The following SORCS1 variants were observed in gnomAD, a reference collection of about 807,000 sequenced individuals.
SORCS1 encodes sortilin related VPS10 domain containing receptor 1.
In SORCS1, 60 loss-of-function variants were observed where a neutral mutation model predicts 146.1. That is an observed-to-expected ratio of 0.41 (90% CI 0.33 to 0.51). SORCS1 has a LOEUF of 0.51. Ranked by LOEUF, SORCS1 falls within the 20% of genes least tolerant of loss-of-function variation. The pLI is 0.21. For missense variants in SORCS1, 1,352 were observed against 1,487.6 expected, an observed-to-expected ratio of 0.91 and a Z score of 1.50; for synonymous variants, 637 against 584.0, an observed-to-expected ratio of 1.09 and a Z score of -1.31.
Position 106,583,353 on chromosome 10 carries a change from C to T in SORCS1, c.3266-3879G>A, listed in dbSNP as rs547569153. Among the ~76,000 whole-genome samples the T allele has an allele frequency of 2.4e-4, 36 of 152,322 alleles. 1 individual carries two copies. The South Asian group carries it at 7.0e-3, about 30-fold the overall frequency. ...TGCACATCAGTATATTAAATGATCA[C>T]AGCAGCCCTTGCAGAAAAGAACACA... On this transcript the variant is annotated intron_variant, in intron 24 of 25. Transcript: ENST00000263054.
intron 5 of SORCS1, among the ~76,000 whole-genome samples, chr10:106,758,173 C>T (rs965496703): frequency 2.6e-5 from 4 of 152,110 alleles, no homozygotes; most frequent in Admixed American, 2.0e-4. Context: ...CAAGCTTTCA[C>T]ATAGAAGATT....
chr10:107,104,998 C>T (rs1211583677), intron 1 of SORCS1, among the ~76,000 whole-genome samples: 3 of 152,228 alleles, frequency 2.0e-5, no homozygotes, highest in African/African-American at 7.2e-5. Context: ...AAACACTGGC[C>T]AGAAAGTCTA....
At chr10:106,792,719 G>A (rs944353473) in intron 3 of SORCS1, among the ~76,000 whole-genome samples, 3 of 152,076 alleles carry the variant, frequency 2.0e-5, no homozygotes, top group African/African-American at 7.2e-5. Context: ...GTGAAAATGT[G>A]AAATAAATAG....
chr10:107,117,448 C>T (rs1004323268), intron 1 of SORCS1, among the ~76,000 whole-genome samples: 1 of 152,188 alleles, frequency 6.6e-6, no homozygotes, highest in African/African-American at 2.4e-5. Flanking sequence ...CAGAAAGCCT[C>T]TTCTCAAAGC....
chr10:106,613,472 G>T (rs1847145855), intron 21 of SORCS1, among the ~76,000 whole-genome samples: 1 of 152,138 alleles, frequency 6.6e-6, no homozygotes, highest in African/African-American at 2.4e-5. Context: ...TCCAGGAATG[G>T]TTCAGCCTTA....
Position 106,607,241 on chromosome 10 carries a change from G to C in SORCS1, c.3090C>G (p.Thr1030=), listed in dbSNP as rs748226941. The C allele has an allele frequency of 2.5e-6, 4 of 1,613,994 alleles. No individual in the cohort carries two copies. Among genetic ancestry groups the C allele is most frequent in the Non-Finnish European group, 2.5e-6 (3 of 1,179,992 alleles). The change falls in exon 23 of 26, where the codon ACC becomes ACG. Residue 1030 remains threonine, a synonymous_variant. Coordinates refer to ENST00000263054, the MANE Select transcript of SORCS1 (RefSeq NM_052918.5). The stretch of plus-strand genomic sequence containing the variant: ...AGGGTAGGACAAAGAGTTCAGCAGT[G>C]GTGGGTAAGCCAGGGAGCACCGCCA... ...ILVAVLPGLP[T]TAELFVLPYQ...
intron 2 of SORCS1, among the ~76,000 whole-genome samples, chr10:106,873,038 G>A (rs1357648801): frequency 6.6e-6 from 1 of 152,142 alleles, no homozygotes; most frequent in African/African-American, 2.4e-5. Flanking sequence ...GCCAGGCGTG[G>A]TGGCAAGCAC....
intron 1 of SORCS1, among the ~76,000 whole-genome samples, chr10:107,030,911 T>C (rs1958622334): frequency 6.6e-6 from 1 of 152,198 alleles, no homozygotes; most frequent in Non-Finnish European, 1.5e-5. Flanking sequence ...AGGGTCCCAC[T>C]GTAGAGGGCA....
chr10:106,836,474 C>CA (rs68181690), intron 2 of SORCS1, among the ~76,000 whole-genome samples: 30,646 of 77,404 alleles, frequency 0.4, 5,426 homozygotes, highest in Non-Finnish European at 0.5. Flanking sequence ...GACTCGGTCT[C>CA]AAAAAAAAAA....
chr10:106,798,488 C>T (rs1333574682), intron 3 of SORCS1, among the ~76,000 whole-genome samples: 1 of 148,150 alleles, frequency 6.7e-6, no homozygotes, highest in Non-Finnish European at 1.5e-5. Flanking sequence ...CTTCCTGTGT[C>T]CAAGTGTTCT....
intron 1 of SORCS1, among the ~76,000 whole-genome samples, chr10:107,085,538 TAAC>T (rs1252845027): frequency 6.6e-6 from 1 of 152,180 alleles, no homozygotes; most frequent in Non-Finnish European, 1.5e-5. Flanking sequence ...TACCATCAAA[TAAC>T]ATCCTCATTA....
At position 106,577,534 on chromosome 10, in the gene SORCS1, AGGGGAGGGT is replaced by A; in HGVS notation, c.3384_3392del (p.Leu1128_Pro1131delinsPhe). On this transcript the variant is annotated inframe_deletion, in exon 26 of 26. Coordinates refer to ENST00000263054, the MANE Select transcript of SORCS1 (RefSeq NM_052918.5). ...CACCAGGTTGAGTAGAAGGGGAGGGAGGGGAGGGTAAAGCTACTCTCCTAAGAGAAAACG... is the reference window on the plus strand; with the variant it reads ...CACCAGGTTGAGTAGAAGGGGAGGGAAAAGCTACTCTCCTAAGAGAAAACG... 1.2e-6 allele frequency: 1 copy of A among 847,286 alleles called. No individual in the cohort carries two copies. Among genetic ancestry groups the A allele is most frequent in the Non-Finnish European group, 1.9e-6 (1 of 533,462 alleles). The allele number at this position is 847,286 out of a possible 1,614,324, so 52.5% of individuals were successfully genotyped here.
chr10:106,832,399 G>T (rs1293656068), intron 2 of SORCS1, among the ~76,000 whole-genome samples: 1 of 152,028 alleles, frequency 6.6e-6, no homozygotes, highest in Non-Finnish European at 1.5e-5. Context: ...ATGTTGGTCA[G>T]GCTGGCCTTG....
At position 106,926,866 on chromosome 10, in the gene SORCS1, CAGAGAGAGAG is replaced by C. The variant is rs370902733; in HGVS notation, c.626+29637_626+29646del. On this transcript the variant is annotated intron_variant, in intron 2 of 25. Coordinates refer to ENST00000263054, the MANE Select transcript of SORCS1 (RefSeq NM_052918.5). ...ACACACACACACACACACACACACA[CAGAGAGAGAG>C]AGAGAGAGAGAGAGAGAGAGAGAAT... 4.4e-3 allele frequency among the ~76,000 whole-genome samples: 276 copies of C among 62,034 alleles called. 3 individuals are homozygous for C. Among genetic ancestry groups the C allele is most frequent in the African/African-American group, 0.019 (261 of 14,064 alleles). 40.7% of individuals were successfully genotyped at this position (62,034 alleles called of 152,430 possible).
At position 106,607,853 on chromosome 10, in the gene SORCS1, C is replaced by A. The variant is rs574727035; in HGVS notation, c.3034-556G>T. 3.9e-5 allele frequency among the ~76,000 whole-genome samples: 6 copies of A among 152,270 alleles called. 1 individual carries two copies. The South Asian group carries it at 1.2e-3, about 32-fold the overall frequency. ...ATCCTAACCACCTAACCTAAGAGGA[C>A]ATCCCCATATCACAACCCTCAGGAG... On this transcript the variant is annotated intron_variant, in intron 22 of 25. Transcript: ENST00000263054.
In SORCS1 at chr10:106,709,268, A is replaced by G; in HGVS notation, c.1098T>C (p.Ile366=). ...ANRNQPFPGY[I]DPDSLIVQDH... ...CCTGAACAATCAAAGAGTCTGGGTC[A>G]ATGTAGCCTGGAAAAGGCTGATTCC... Residue 366 remains isoleucine (I), a synonymous_variant, in exon 7 of 26, where the codon ATT becomes ATC. Coordinates refer to ENST00000263054, the MANE Select transcript of SORCS1 (RefSeq NM_052918.5). The G allele has an allele frequency of 6.2e-7, 1 of 1,613,916 alleles. No homozygotes were observed. Among genetic ancestry groups the G allele is most frequent in the Non-Finnish European group, 8.5e-7 (1 of 1,179,884 alleles).
intron 2 of SORCS1, among the ~76,000 whole-genome samples, chr10:106,924,583 A>T (rs11193107): frequency 0.52 from 79,294 of 151,912 alleles, 22,359 homozygotes; most frequent in Non-Finnish European, 0.63. Flanking sequence ...ATTGAAAAGA[A>T]AGGAAGCGTA....
chr10:106,713,319 G>C (rs1272085), intron 6 of SORCS1, among the ~76,000 whole-genome samples: 121,405 of 152,124 alleles, frequency 0.8, 51,096 homozygotes, highest in Non-Finnish European at 0.94. Context: ...TGATTAGGAG[G>C]TCTTGACCTT....
intron 1 of SORCS1, among the ~76,000 whole-genome samples, chr10:106,983,048 T>A (rs971378977): frequency 1.3e-5 from 2 of 151,190 alleles, no homozygotes; most frequent in South Asian, 4.2e-4. Flanking sequence ...AAATGAGTGA[T>A]TTTTAAATAT....
Sources: allele counts gnomAD v4.1 joint callset (sites outside exome capture counted in the v4.1 genomes callset), GRCh38; gene constraint gnomAD v4.1.1; transcripts MANE v1.5; gene names NCBI Gene and HGNC (gene_info 2026-07-23, HGNC 2026-07-21).